Variants in SSC5D observed in about 807,000 individuals in gnomAD.
SSC5D encodes scavenger receptor cysteine rich family member with 5 domains, also known as soluble scavenger receptor cysteine-rich domain-containing protein SSC5D.
A neutral mutation model predicts 104.6 loss-of-function variants in SSC5D; 106 were observed. That is an observed-to-expected ratio of 1.01 (90% confidence interval 0.87 to 1.19). SSC5D has a LOEUF of 1.19. Ranked by LOEUF, SSC5D falls within the 50% of genes most tolerant of loss-of-function variation. The probability of loss-of-function intolerance (pLI) is 0.00; values close to 1 mark genes in which losing one functional copy is unlikely to be tolerated. For synonymous variants in SSC5D, 860 were observed against 883.5 expected, an observed-to-expected ratio of 0.97 and a Z score of 0.47; for missense variants, 1,993 against 2,153.8, an observed-to-expected ratio of 0.93 and a Z score of 1.48.
chr19:55,489,141 C>T, intron 2 of SSC5D, 109 bp downstream of exon 2: 2 of 952,398 alleles, frequency 2.1e-6, no homozygotes, highest in Non-Finnish European at 3.0e-6. Context: ...ATCCGAATTC[C>T]ACTGTGACCT....
rs1405615293 is a variant in SSC5D at position 55,517,421 on chromosome 19, C to T, written c.3145C>T (p.Pro1049Ser). The T allele has an allele frequency of 6.4e-7, 1 of 1,551,036 alleles. No individual in the cohort carries two copies. Among genetic ancestry groups the T allele is most frequent in the Middle Eastern group, 1.7e-4 (1 of 5,992 alleles). Residue 1049 changes from proline to serine, a missense_variant, in exon 14 of 14, where the codon CCA becomes TCA. Coordinates refer to ENST00000389623, the MANE Select transcript of SSC5D (RefSeq NM_001144950.2). ...GACCTCTGACGCTCCGGACACTTCA[C>T]CACCCACCCCAGACCCGGCCTCCCG... ...EATSDAPDTS[P>S]PTPDPASRTN... is the part of the protein sequence containing the mutation.
chr19:55,497,488 C>T (rs1339968968), intron 8 of SSC5D, among the ~76,000 whole-genome samples: 1 of 152,182 alleles, frequency 6.6e-6, no homozygotes, highest in African/African-American at 2.4e-5. Context: ...GGTATTTATA[C>T]ATTCAAAATG....
intron 12 of SSC5D, among the ~76,000 whole-genome samples, chr19:55,512,061 G>A (rs1599928449): frequency 6.6e-6 from 1 of 151,776 alleles, no homozygotes; most frequent in South Asian, 2.1e-4. Context: ...TGTTGAGGCC[G>A]GGCACGGTGG....
rs890127564 is a variant in SSC5D, at chr19:55,498,041, G to A, written c.1549G>A (p.Asp517Asn). The A allele has an allele frequency of 1.4e-5, 22 of 1,551,768 alleles. No individual in the cohort carries two copies. The Admixed American group carries it at 2.5e-4, about 18-fold the overall frequency. Residue 517 changes from aspartate (D) to asparagine (N), a missense_variant, in exon 9 of 14, where the codon GAC becomes AAC. Asp to Asn is a conservative substitution (Grantham distance 23). This residue lies in a region of SSC5D where 1,101 missense variants were observed against 1,085.0 expected (regional missense o/e 1.01). Coordinates refer to ENST00000389623, the MANE Select transcript of SSC5D (RefSeq NM_001144950.2). ...ELGCGGPQQP[D>N]PAAGRFGWGA... is the part of the protein sequence containing the mutation. The stretch of plus-strand genomic sequence containing the variant: ...GGGCTGTGGTGGACCTCAGCAGCCA[G>A]ACCCTGCTGCTGGCCGCTTTGGCTG...
At chr19:55,514,850 G>C (rs971827796) in intron 13 of SSC5D, among the ~76,000 whole-genome samples, 1 of 152,132 alleles carries the variant, frequency 6.6e-6, no homozygotes, top group Non-Finnish European at 1.5e-5. Context: ...AGGGAGATAC[G>C]CGGATCATCC....
At chr19:55,504,270 C>A (rs1304855467) in intron 12 of SSC5D, 1 of 1,503,678 alleles carries the variant, frequency 6.7e-7, no homozygotes, top group Admixed American at 2.1e-5. Flanking sequence ...CGGGACCCCT[C>A]CCGTAGGGTA....
intron 12 of SSC5D, among the ~76,000 whole-genome samples, chr19:55,509,752 G>T (rs1291118553): frequency 6.7e-6 from 1 of 149,194 alleles, no homozygotes; most frequent in Non-Finnish European, 1.5e-5. Flanking sequence ...CCAGCTACTA[G>T]GGAGGCCAAG....
In SSC5D at chr19:55,503,797, G is replaced by C. The variant is rs549012421; in HGVS notation, c.2785+2596G>C. Reference sequence around the variant, plus strand: ...CCTCCCGCTCCCGCAGGAGAGTCTCGCCGCAAGCGTCCTTTCCCGCCTTTT... The same window carrying C: ...CCTCCCGCTCCCGCAGGAGAGTCTCCCCGCAAGCGTCCTTTCCCGCCTTTT... On this transcript the variant is annotated intron_variant, in intron 12 of 13. Coordinates refer to ENST00000389623, the MANE Select transcript of SSC5D (RefSeq NM_001144950.2). The surrounding 1 kb of genome is among the most constrained non-coding windows in gnomAD (Gnocchi z 4.0). Among the ~76,000 whole-genome samples, 442 of 148,728 alleles carry C rather than the reference G, an allele frequency of 3.0e-3. 3 individuals carry two copies. Among genetic ancestry groups the C allele is most frequent in the African/African-American group, 0.01 (403 of 40,222 alleles).
chr19:55,518,549 A>C lies in SSC5D; in HGVS notation c.4273A>C (p.Thr1425Pro), dbSNP rs1157458649. 2.6e-6 allele frequency: 4 copies of C among 1,524,890 alleles called. No homozygotes were observed. The highest frequency in any genetic ancestry group is 3.5e-6 in the Non-Finnish European group (4 of 1,142,254). 94.5% of individuals were successfully genotyped at this position (1,524,890 alleles called of 1,614,324 possible). Residue 1425 changes from threonine (T) to proline (P), a missense_variant, in exon 14 of 14, where the codon ACC becomes CCC. Physicochemically the swap from Thr to Pro is conservative, Grantham distance 38 (BLOSUM62 -1). Transcript: ENST00000389623. ...SQSPNLTPPPTHTPHSASDLT... is the reference protein window; with the variant it reads ...SQSPNLTPPPPHTPHSASDLT... ...GAGCCCCAACCTAACCCCTCCACCC[A>C]CCCATACCCCACACTCAGCCTCTGA...
chr19:55,501,167 C>T lies in SSC5D; in HGVS notation c.2751C>T (p.Ser917=), dbSNP rs368184137. Residue 917 remains serine (S), a synonymous_variant, in exon 12 of 14, where the codon AGC becomes AGT. Transcript: ENST00000389623. ...GGAGGACCACCCGGCGCCCGGGTAG[C>T]TCCTCCCCAGCAATAAGGCGCCTGC... ...LPWRTTRRPG[S]SSPAIRRLPD... The T allele has an allele frequency of 1.9e-6, 3 of 1,544,334 alleles. No individual in the cohort carries two copies. The highest frequency in any genetic ancestry group is 2.4e-5 in the South Asian group (2 of 83,240).
chr19:55,500,029 C>A lies in SSC5D; in HGVS notation c.1919C>A (p.Thr640Asn), dbSNP rs372485783. ...GTGACAAAAAATGCAAAGAGACCAA[C>A]CACTCAACCCCCAGTGATGCCAACC... ...KWVTKNAKRP[T>N]TQPPVMPTTK... is the part of the protein sequence containing the mutation. Residue 640 changes from threonine (T) to asparagine (N), a missense_variant, in exon 10 of 14, where the codon ACC becomes AAC. Coordinates refer to ENST00000389623, the MANE Select transcript of SSC5D (RefSeq NM_001144950.2). The surrounding 1 kb of genome is among the most constrained non-coding windows in gnomAD (Gnocchi z 4.6). The A allele has an allele frequency of 1.9e-5, 29 of 1,551,866 alleles. No homozygotes were observed. The African/African-American group carries it at 3.7e-4, about 20-fold the overall frequency.
In SSC5D at chr19:55,500,212, C is replaced by G; in HGVS notation, c.2102C>G (p.Thr701Ser). 1.3e-6 allele frequency: 2 copies of G among 1,551,350 alleles called. No individual in the cohort carries two copies. Among genetic ancestry groups the G allele is most frequent in the Non-Finnish European group, 1.7e-6 (2 of 1,146,892 alleles). ...RWTSHTTATL[T>S]PQAPRERTTK... Reference sequence around the variant, plus strand: ...ACCTCTCACACCACTGCCACGCTGACCCCTCAGGCCCCCCGAGAACGGACC... The same window carrying G: ...ACCTCTCACACCACTGCCACGCTGAGCCCTCAGGCCCCCCGAGAACGGACC... The change falls in exon 10 of 14, where the codon ACC (threonine) becomes AGC (serine). Residue 701 changes from threonine (T) to serine (S), a missense_variant. This residue lies in a region of SSC5D where 1,101 missense variants were observed against 1,085.0 expected (regional missense o/e 1.01). Coordinates refer to ENST00000389623, the MANE Select transcript of SSC5D (RefSeq NM_001144950.2). This position sits in a 1 kb window ranked among gnomAD's most constrained non-coding sequence, Gnocchi z 4.6.
At chr19:55,498,767 C>A (rs1307636788) in intron 9 of SSC5D, among the ~76,000 whole-genome samples, 1 of 152,176 alleles carries the variant, frequency 6.6e-6, no homozygotes, top group Non-Finnish European at 1.5e-5. Context: ...ACCTGTGTGA[C>A]TCGTTATAGT....
chr19:55,498,406 G>A (rs1448497810), intron 9 of SSC5D, among the ~76,000 whole-genome samples: 1 of 152,238 alleles, frequency 6.6e-6, no homozygotes, highest in Non-Finnish European at 1.5e-5. Context: ...GAGGCACAGA[G>A]AGGTTGGGTA....
rs76722696 is a variant in SSC5D at position 55,503,818 on chromosome 19, C to CT, written c.2785+2627dup. On this transcript the variant is annotated intron_variant, in intron 12 of 13. Coordinates refer to ENST00000389623, the MANE Select transcript of SSC5D (RefSeq NM_001144950.2). The surrounding 1 kb of genome is among the most constrained non-coding windows in gnomAD (Gnocchi z 4.0). ...TCTCGCCGCAAGCGTCCTTTCCCGC[C>CT]TTTTTTTTTTCTGGCGCTCAGCACG... 0.033 allele frequency among the ~76,000 whole-genome samples: 4,995 copies of CT among 150,818 alleles called. 260 individuals carry two copies. Among genetic ancestry groups the CT allele is most frequent in the African/African-American group, 0.11 (4,537 of 41,158 alleles).
Position 55,490,419 on chromosome 19 carries a change from T to C in SSC5D, c.586+11T>C. On this transcript the variant is annotated intron_variant, in intron 5 of 13. Coordinates refer to ENST00000389623, the MANE Select transcript of SSC5D (RefSeq NM_001144950.2). The stretch of plus-strand genomic sequence containing the variant: ...GAGCCCCCCGCCAAGGTAAGCTCCC[T>C]GCAGGCTCCCCCGACCCCAAGGCTG... 1 of 964,020 alleles carries C rather than the reference T, an allele frequency of 1.0e-6. No individual in the cohort carries two copies. Among genetic ancestry groups the C allele is most frequent in the Non-Finnish European group, 1.5e-6 (1 of 661,620 alleles). The allele number at this position is 964,020 out of a possible 1,614,324, so 59.7% of individuals were successfully genotyped here.
chr19:55,491,953 G>GA (rs199605936), intron 6 of SSC5D: 1 of 152,214 alleles, frequency 6.6e-6, no homozygotes. Context: ...CAGTACACGG[G>GA]CTGCAGGCAA....
At chr19:55,489,309 C>T (rs1208056061) in intron 2 of SSC5D, 45 bp from the exon 3 acceptor site, 5 of 1,419,738 alleles carry the variant, frequency 3.5e-6, no homozygotes, top group Non-Finnish European at 4.6e-6. Context: ...CCTTGGGGCC[C>T]CCAGGATGCC....
intron 7 of SSC5D, 106 bp downstream of exon 7, chr19:55,494,018 C>G (rs1346702359): frequency 3.0e-6 from 3 of 1,012,316 alleles, no homozygotes; most frequent in African/African-American, 1.6e-5. Context: ...TTCCTGCCCT[C>G]TCTCCGGACT....
Sources: gnomAD v4.1 joint callset for allele counts (sites outside exome capture counted in the v4.1 genomes callset) on GRCh38, gnomAD v4.1.1 for gene constraint, gnomAD v4.1.1 regional missense constraint, Gnocchi (gnomAD v3.1) non-coding constraint, MANE v1.5 for transcripts, NCBI Gene and HGNC (gene_info 2026-07-23, HGNC 2026-07-21) for gene names.